The following TSPAN5 variants were observed in gnomAD, a reference collection of about 807,000 sequenced individuals.
TSPAN5 encodes the protein tetraspanin 5.
TSPAN5 carries 10 observed loss-of-function variants against 37.1 expected under a neutral mutation model. The ratio of observed to expected loss-of-function variants is 0.27; its 90% CI spans 0.17 to 0.46. The LOEUF (loss-of-function observed/expected upper bound fraction) is 0.46, where lower values mean the gene tolerates loss of function less well. TSPAN5 is among the 20% of genes least tolerant of loss of function. TSPAN5 has a pLI of 1.00. For synonymous variants in TSPAN5, 110 were observed against 118.9 expected (o/e 0.93, Z 0.48); for missense variants, 195 against 326.6 (o/e 0.60, Z 3.11).
chr4:98,550,159 T>C (rs117909712), intron 1 of TSPAN5, among the ~76,000 whole-genome samples: 2,419 of 152,296 alleles, frequency 0.016, 140 homozygotes, highest in Admixed American at 0.11. Context: ...TTCCCCAGTG[T>C]ACATTTTTGT....
chr4:98,645,182 G>A (rs1757037495), intron 1 of TSPAN5, among the ~76,000 whole-genome samples: 2 of 152,128 alleles, frequency 1.3e-5, no homozygotes, highest in South Asian at 2.1e-4. Context: ...CCAGAATGTC[G>A]AACACTTGCT....
chr4:98,497,926 G>GCGGC (rs930902234), intron 2 of TSPAN5, among the ~76,000 whole-genome samples: 1 of 152,136 alleles, frequency 6.6e-6, no homozygotes, highest in African/African-American at 2.4e-5. Context: ...AAGAGATGAA[G>GCGGC]AGGCTGGTTG....
chr4:98,613,578 A>G (rs1387307084), intron 1 of TSPAN5, among the ~76,000 whole-genome samples: 1 of 152,210 alleles, frequency 6.6e-6, no homozygotes, highest in Non-Finnish European at 1.5e-5. Context: ...CCCTTCCCTT[A>G]TAACACAACA....
rs74987418 is a variant in TSPAN5 at position 98,482,519 on chromosome 4, T to C, written c.280-344A>G. The C allele has an allele frequency of 1.8e-3, 307 of 175,106 alleles. 2 individuals are homozygous for C. Among genetic ancestry groups the C allele is most frequent in the African/African-American group, 7.0e-3 (296 of 42,026 alleles). The allele number at this position is 175,106 out of a possible 1,614,324, so 10.8% of individuals were successfully genotyped here. A position where few individuals can be genotyped will look rare whatever the true frequency, so the allele number is the denominator to read the frequency against. On this transcript the variant is annotated intron_variant, in intron 3 of 7. Transcript: ENST00000305798. ...ATGTACTGCCAGATGCTTGTAACAA[T>C]GACCTGCCCCTATCTCTAGTAAGCT... is the stretch of plus-strand genomic sequence containing the variant.
At chr4:98,648,670 T>C (rs1055843316) in intron 1 of TSPAN5, among the ~76,000 whole-genome samples, 78 of 152,356 alleles carry the variant, frequency 5.1e-4, no homozygotes, top group African/African-American at 1.2e-3. Flanking sequence ...CACCTTTTTT[T>C]TCTCGTAAGC....
At chr4:98,497,938 G>A (rs1238527501) in intron 2 of TSPAN5, among the ~76,000 whole-genome samples, 2 of 152,168 alleles carry the variant, frequency 1.3e-5, no homozygotes, top group African/African-American at 4.8e-5. Flanking sequence ...GGCTGGTTGG[G>A]CGAGGCTGGG....
chr4:98,654,680 T>C (rs1012545276), intron 1 of TSPAN5, among the ~76,000 whole-genome samples: 2 of 152,336 alleles, frequency 1.3e-5, no homozygotes, highest in Admixed American at 6.5e-5. Context: ...ACAACTGTTA[T>C]ATAAAAGGAT....
At chr4:98,631,130 AT>A (rs1756736438) in intron 1 of TSPAN5, among the ~76,000 whole-genome samples, 1 of 152,186 alleles carries the variant, frequency 6.6e-6, no homozygotes, top group Non-Finnish European at 1.5e-5. Context: ...CCTGTTGTAG[AT>A]ATTTAACAAT....
intron 1 of TSPAN5, among the ~76,000 whole-genome samples, chr4:98,523,495 C>T (rs1298897499): frequency 1.2e-4 from 18 of 152,168 alleles, no homozygotes; most frequent in Non-Finnish European, 1.5e-4. Flanking sequence ...AGTGCAGAGG[C>T]GCGTGCTCGG....
intron 2 of TSPAN5, among the ~76,000 whole-genome samples, chr4:98,503,991 T>G (rs1447864667): frequency 6.6e-6 from 1 of 152,236 alleles, no homozygotes; most frequent in Non-Finnish European, 1.5e-5. Context: ...ACAGTTGATT[T>G]AAAACTCAGA....
chr4:98,511,703 C>T (rs192919366), intron 1 of TSPAN5, among the ~76,000 whole-genome samples: 71 of 152,142 alleles, frequency 4.7e-4, no homozygotes, highest in African/African-American at 1.4e-3. Flanking sequence ...TATTTATTAT[C>T]GATTACATCT....
chr4:98,576,631 A>C (rs183719020), intron 1 of TSPAN5, among the ~76,000 whole-genome samples: 110 of 152,274 alleles, frequency 7.2e-4, no homozygotes, highest in Admixed American at 2.2e-3. Context: ...ATGGAGGGTC[A>C]CTTGGGCCCA....
chr4:98,592,118 T>A (rs1755648299), intron 1 of TSPAN5, among the ~76,000 whole-genome samples: 1 of 151,334 alleles, frequency 6.6e-6, no homozygotes, highest in African/African-American at 2.4e-5. Flanking sequence ...TTTCAATAAA[T>A]AGTGTTATAA....
chr4:98,544,853 C>G (rs1394898884), intron 1 of TSPAN5, among the ~76,000 whole-genome samples: 1 of 152,174 alleles, frequency 6.6e-6, no homozygotes, highest in Non-Finnish European at 1.5e-5. Context: ...TAACACTACT[C>G]TCAGTTGAAT....
intron 1 of TSPAN5, among the ~76,000 whole-genome samples, chr4:98,634,166 T>C (rs1390691503): frequency 1.3e-5 from 2 of 152,188 alleles, no homozygotes; most frequent in Non-Finnish European, 2.9e-5. Context: ...ATACTCTCCA[T>C]TTCACAAAGC....
At chr4:98,524,566 G>T (rs1411276124) in intron 1 of TSPAN5, among the ~76,000 whole-genome samples, 1 of 152,026 alleles carries the variant, frequency 6.6e-6, no homozygotes, top group Non-Finnish European at 1.5e-5. Context: ...ACGTCCATGT[G>T]AGCATGACTT....
chr4:98,521,182 G>C (rs747152265), intron 1 of TSPAN5, among the ~76,000 whole-genome samples: 1 of 152,148 alleles, frequency 6.6e-6, no homozygotes, highest in Non-Finnish European at 1.5e-5. Flanking sequence ...CACCTGCCTC[G>C]GCTTCCCAAA....
At chr4:98,595,297 AT>A (rs1755737695) in intron 1 of TSPAN5, among the ~76,000 whole-genome samples, 1 of 109,840 alleles carries the variant, frequency 9.1e-6, no homozygotes, top group Non-Finnish European at 1.8e-5. Context: ...CCCCTTTATC[AT>A]TTTTTATTGT....
intron 1 of TSPAN5, among the ~76,000 whole-genome samples, chr4:98,612,157 C>T (rs1170499235): frequency 6.6e-6 from 1 of 152,178 alleles, no homozygotes; most frequent in East Asian, 1.9e-4. Flanking sequence ...TAAGTGAATG[C>T]TCTTTCCCAT....
Sources: gnomAD v4.1 joint callset for allele counts (sites outside exome capture counted in the v4.1 genomes callset) on GRCh38, gnomAD v4.1.1 for gene constraint, MANE v1.5 for transcripts, NCBI Gene and HGNC (gene_info 2026-07-23, HGNC 2026-07-21) for gene names.